The following ZNF33A variants were observed in gnomAD, a reference collection of about 807,000 sequenced individuals.
ZNF33A encodes zinc finger protein 33A, also known as brain my041 protein.
Under a neutral mutation model 15.9 loss-of-function variants are expected in ZNF33A, and 9 were observed. That is an observed-to-expected ratio of 0.57 (90% CI 0.34 to 0.99). The LOEUF is 0.99. ZNF33A is among the 50% of genes least tolerant of loss of function. ZNF33A has a pLI of 0.02. For synonymous variants in ZNF33A, 294 were observed against 324.2 expected, an observed-to-expected ratio of 0.91 and a Z score of 1.00; for missense variants, 843 against 941.6, an observed-to-expected ratio of 0.90 and a Z score of 1.37.
chr10:38,040,855 G>T (rs1318274412), intron 4 of ZNF33A, among the ~76,000 whole-genome samples: 1 of 152,036 alleles, frequency 6.6e-6, no homozygotes, highest in East Asian at 1.9e-4. Context: ...TTTTCAATAG[G>T]TTTATTGGGT....
In ZNF33A at chr10:38,055,501, C is replaced by T; in HGVS notation, c.1377C>T (p.His459=). 2 of 1,613,308 alleles carry T rather than the reference C, an allele frequency of 1.2e-6. No homozygotes were observed. Among genetic ancestry groups the T allele is most frequent in the Non-Finnish European group, 1.7e-6 (2 of 1,179,850 alleles). Residue 459 remains histidine, a synonymous_variant, in exon 5 of 5, where the codon CAC becomes CAT. Transcript: ENST00000432900. ...GTGTGACTTCGCACCTTAAAGTACA[C>T]CAGAGAACTCACACAGGTGAGAAAC... ...SFRVTSHLKV[H]QRTHTGEKPF...
intron 4 of ZNF33A, among the ~76,000 whole-genome samples, chr10:38,026,833 C>A (rs772088438): frequency 1.6e-4 from 24 of 152,266 alleles, no homozygotes; most frequent in Middle Eastern, 6.8e-3. Flanking sequence ...CAGAAACTGT[C>A]GCCATTAAGC....
chr10:38,046,923 C>T (rs2065966941), intron 4 of ZNF33A, among the ~76,000 whole-genome samples: 2 of 152,056 alleles, frequency 1.3e-5, no homozygotes, highest in South Asian at 4.1e-4. Flanking sequence ...CTATAAATCC[C>T]AGCACTTTGG....
intron 4 of ZNF33A, among the ~76,000 whole-genome samples, chr10:38,050,171 C>T (rs1414602170): frequency 6.6e-6 from 1 of 152,130 alleles, no homozygotes; most frequent in Non-Finnish European, 1.5e-5. Flanking sequence ...CCAGCATTGC[C>T]CTAATAACAA....
intron 4 of ZNF33A, among the ~76,000 whole-genome samples, chr10:38,042,949 A>G (rs1197803311): frequency 6.6e-6 from 1 of 152,170 alleles, no homozygotes; most frequent in Non-Finnish European, 1.5e-5. Context: ...TAAATTGGGT[A>G]GGAAAAGAAA....
intron 4 of ZNF33A, among the ~76,000 whole-genome samples, chr10:38,053,115 G>C (rs913657305): frequency 4.6e-5 from 7 of 151,866 alleles, no homozygotes; most frequent in African/African-American, 1.7e-4. Context: ...TTGCAATGCT[G>C]TTTATTCAAG....
chr10:38,016,146 G>T (rs1306012839), intron 2 of ZNF33A: 2 of 548,996 alleles, frequency 3.6e-6, no homozygotes, highest in African/African-American at 3.9e-5. Flanking sequence ...TTGCGATGAA[G>T]AAAATGTCAG....
intron 4 of ZNF33A, among the ~76,000 whole-genome samples, chr10:38,034,314 A>C (rs914879458): frequency 6.6e-6 from 1 of 152,092 alleles, no homozygotes; most frequent in Non-Finnish European, 1.5e-5. Context: ...TTTAGTTGTC[A>C]TGTCTCTTTA....
At chr10:38,044,355 G>A (rs1269052218) in intron 4 of ZNF33A, among the ~76,000 whole-genome samples, 1 of 142,494 alleles carries the variant, frequency 7.0e-6, no homozygotes, top group Non-Finnish European at 1.5e-5. Context: ...TTACAGGTGC[G>A]TGTGCTACCA....
intron 4 of ZNF33A, among the ~76,000 whole-genome samples, chr10:38,035,381 G>C (rs1423081579): frequency 7.9e-5 from 12 of 152,038 alleles, no homozygotes; most frequent in Admixed American, 7.9e-4. Flanking sequence ...GCCTCCCAAA[G>C]TGCTGGGATT....
rs2066577314 is a variant in ZNF33A at position 38,058,514 on chromosome 10, C to T, written c.*1954C>T. ...AGGTACAGTGGTTCATGCCTGTAAT[C>T]CCAGCACTTCACTTTGGGAGGCTGA... On this transcript the variant is annotated 3_prime_UTR_variant, in exon 5 of 5. Transcript: ENST00000432900. The T allele has an allele frequency of 6.6e-6, 1 of 152,210 alleles. No individual in the cohort carries two copies. Among genetic ancestry groups the T allele is most frequent in the Admixed American group, 6.5e-5 (1 of 15,272 alleles). The allele number at this position is 152,210 out of a possible 1,614,324, so 9.4% of individuals were successfully genotyped here. A position where few individuals can be genotyped will look rare whatever the true frequency, so the allele number is the denominator to read the frequency against.
chr10:38,063,334 T>C (rs2066677751), downstream of ZNF33A, among the ~76,000 whole-genome samples: 1 of 152,216 alleles, frequency 6.6e-6, no homozygotes, highest in Admixed American at 6.5e-5. Context: ...AGCTTGGTAA[T>C]CTGTGGTGTA....
Position 38,023,234 on chromosome 10 carries a change from G to A in ZNF33A, c.250+5848G>A, listed in dbSNP as rs1446216426. ...GCTGGGATTACAGGTGTGAGCCACC[G>A]CACCCGGCCAAGAGGGAACATTTCT... is the stretch of plus-strand genomic sequence containing the variant. On this transcript the variant is annotated intron_variant, in intron 4 of 4. Transcript: ENST00000432900. Among the ~76,000 whole-genome samples the A allele has an allele frequency of 3.9e-5, 6 of 152,192 alleles. No individual in the cohort carries two copies. In the East Asian group the frequency reaches 5.8e-4, roughly 15 times the overall value.
chr10:38,057,193 C>G lies in ZNF33A; in HGVS notation c.*633C>G, dbSNP rs181751829. ...TTTTACATTTGAGTAACCATCAACACGATTAGTTTACAGAACTGAAAAGGA... is the reference window on the plus strand; with the variant it reads ...TTTTACATTTGAGTAACCATCAACAGGATTAGTTTACAGAACTGAAAAGGA... On this transcript the variant is annotated 3_prime_UTR_variant, in exon 5 of 5. Coordinates refer to ENST00000432900, the MANE Select transcript of ZNF33A (RefSeq NM_006954.2). 2.0e-6 allele frequency: 2 copies of G among 982,978 alleles called. No homozygotes were observed. The highest frequency in any genetic ancestry group is 1.2e-4 in the Admixed American group (2 of 16,250). The allele number at this position is 982,978 out of a possible 1,614,324, so 60.9% of individuals were successfully genotyped here.
rs541874228 is a variant in ZNF33A at position 38,029,006 on chromosome 10, C to T, written c.250+11620C>T. On this transcript the variant is annotated intron_variant, in intron 4 of 4. Coordinates refer to ENST00000432900, the MANE Select transcript of ZNF33A (RefSeq NM_006954.2). ...TGTTTTCACACATTACGTCTTTATA[C>T]ATTGTGTACCGATAATGTAAATTTT... Among the ~76,000 whole-genome samples the T allele has an allele frequency of 9.2e-5, 14 of 152,290 alleles. No homozygotes were observed. The South Asian group carries it at 2.7e-3, about 29-fold the overall frequency.
chr10:38,018,582 C>T (rs1384459481), intron 4 of ZNF33A, among the ~76,000 whole-genome samples: 2 of 152,158 alleles, frequency 1.3e-5, no homozygotes, highest in African/African-American at 4.8e-5. Context: ...AGATCTTTCT[C>T]ACCTCTGTAG....
intron 4 of ZNF33A, among the ~76,000 whole-genome samples, chr10:38,051,371 G>A (rs1395287103): frequency 6.6e-6 from 1 of 151,988 alleles, no homozygotes; most frequent in African/African-American, 2.4e-5. Flanking sequence ...AACCCATATT[G>A]TCACAACGTA....
chr10:38,012,176 G>T, intron 1 of ZNF33A, 122 bp from the exon 2 acceptor site: 1 of 890,824 alleles, frequency 1.1e-6, no homozygotes, highest in South Asian at 1.7e-5. Context: ...AGAGGACATT[G>T]ATACTCTCCC....
At chr10:38,029,668 CA>C (rs1197386737) in intron 4 of ZNF33A, among the ~76,000 whole-genome samples, 2 of 152,054 alleles carry the variant, frequency 1.3e-5, no homozygotes, top group Non-Finnish European at 1.5e-5. Context: ...AGAACAACAA[CA>C]AAATGAGATC....
Sources: allele counts gnomAD v4.1 joint callset (sites outside exome capture counted in the v4.1 genomes callset), GRCh38; gene constraint gnomAD v4.1.1; transcripts MANE v1.5; gene names NCBI Gene and HGNC (gene_info 2026-07-23, HGNC 2026-07-21).